Variants in SCN8A observed in about 807,000 individuals in gnomAD.
The protein encoded by SCN8A is sodium voltage-gated channel alpha subunit 8, also known as sodium channel protein type 8 subunit alpha.
SCN8A carries 30 observed loss-of-function variants against 184.1 expected under a neutral mutation model. The ratio of observed to expected loss-of-function variants is 0.16; its 90% CI spans 0.12 to 0.22. SCN8A has a LOEUF of 0.22. Ranked by LOEUF, SCN8A falls within the 10% of genes least tolerant of loss-of-function variation. The pLI, the probability that SCN8A is intolerant of heterozygous loss-of-function variation, is 1.00. For synonymous variants in SCN8A, 852 were observed against 907.0 expected (o/e 0.94, Z 1.09); for missense variants, 1,057 against 2,498.9 (o/e 0.42, Z 12.30).
intron 1 of SCN8A, among the ~76,000 whole-genome samples, chr12:51,658,771 T>A (rs1940871916): frequency 6.6e-6 from 1 of 152,204 alleles, no homozygotes. Context: ...CACCTTAAAG[T>A]GGTTAATTTT....
intron 16 of SCN8A, 58 bp downstream of exon 16, chr12:51,766,085 C>T: frequency 1.4e-6 from 2 of 1,382,308 alleles, no homozygotes; most frequent in African/African-American, 1.4e-5. Flanking sequence ...ACCCCTGGCC[C>T]AGAAGCCCAA....
At chr12:51,778,779 T>G (rs1592157679) in intron 20 of SCN8A, among the ~76,000 whole-genome samples, 1 of 152,020 alleles carries the variant, frequency 6.6e-6, no homozygotes, top group East Asian at 1.9e-4. Flanking sequence ...GATTGTTTCT[T>G]TTTTTTTCCT....
At chr12:51,604,172 A>G (rs896218808) in intron 1 of SCN8A, among the ~76,000 whole-genome samples, 5 of 152,126 alleles carry the variant, frequency 3.3e-5, no homozygotes, top group Non-Finnish European at 7.3e-5. Context: ...TTCTGTTAAA[A>G]ATTTTGTGTA....
intron 9 of SCN8A, among the ~76,000 whole-genome samples, 189 bp from the exon 10 acceptor site, chr12:51,705,228 G>A (rs559307975): frequency 3.3e-4 from 51 of 152,294 alleles, no homozygotes; most frequent in Middle Eastern, 3.4e-3. Flanking sequence ...TTTAATATGA[G>A]TTGAGGATAA....
At chr12:51,647,644 A>T (rs1020450116) in intron 1 of SCN8A, among the ~76,000 whole-genome samples, 9 of 152,268 alleles carry the variant, frequency 5.9e-5, no homozygotes, top group African/African-American at 2.2e-4. Context: ...GTTTAAAATG[A>T]TTAAAACTAA....
intron 1 of SCN8A, among the ~76,000 whole-genome samples, chr12:51,649,960 C>T (rs1425489571): frequency 1.3e-5 from 2 of 152,158 alleles, no homozygotes; most frequent in African/African-American, 4.8e-5. Context: ...AACTGAATGC[C>T]TTTAACAGCA....
At chr12:51,691,574 A>G (rs1187804905) in intron 6 of SCN8A, among the ~76,000 whole-genome samples, 1 of 152,164 alleles carries the variant, frequency 6.6e-6, no homozygotes, top group Non-Finnish European at 1.5e-5. Flanking sequence ...GGTTTGTATC[A>G]AGATTTAGAC....
chr12:51,807,054 G>T lies in SCN8A; in HGVS notation c.5568G>T (p.Leu1856=). 6.2e-7 allele frequency: 1 copy of T among 1,614,016 alleles called. No homozygotes were observed. Among genetic ancestry groups the T allele is most frequent in the Non-Finnish European group, 8.5e-7 (1 of 1,179,892 alleles). The change falls in exon 27 of 27, where the codon CTG becomes CTT. Residue 1856 remains leucine (L), a synonymous_variant. Coordinates refer to ENST00000627620, the MANE Select transcript of SCN8A (RefSeq NM_001330260.2). This position sits in a 1 kb window ranked among gnomAD's most constrained non-coding sequence, Gnocchi z 4.5. ...DILFAFTKRV[L]GDSGELDILR... is the part of the protein sequence containing the mutation. ...TTTTTGCCTTCACCAAGCGGGTCCTGGGAGATAGCGGGGAGTTGGACATCC... is the reference window on the plus strand; with the variant it reads ...TTTTTGCCTTCACCAAGCGGGTCCTTGGAGATAGCGGGGAGTTGGACATCC...
At chr12:51,717,009 C>T (rs1941976647) in intron 11 of SCN8A, among the ~76,000 whole-genome samples, 1 of 152,146 alleles carries the variant, frequency 6.6e-6, no homozygotes, top group Non-Finnish European at 1.5e-5. Flanking sequence ...CAATCCTAAA[C>T]TTGCTCAGAC....
At chr12:51,788,908 T>A (rs1263742835) in intron 23 of SCN8A, among the ~76,000 whole-genome samples, 160 bp downstream of exon 23, 1 of 152,126 alleles carries the variant, frequency 6.6e-6, no homozygotes, top group Non-Finnish European at 1.5e-5. Context: ...TATAGATCAT[T>A]TTCCTCGTCT....
chr12:51,799,341 C>CAG (rs1938493956), intron 26 of SCN8A, among the ~76,000 whole-genome samples: 1 of 152,162 alleles, frequency 6.6e-6, no homozygotes, highest in African/African-American at 2.4e-5. Flanking sequence ...CTAGATGGGT[C>CAG]AGAGAGCACC....
chr12:51,788,287 C>CTT lies in SCN8A; in HGVS notation c.4228-388_4228-387dup, dbSNP rs66672221. ...TTTTCCAACCCCCATCGCTTAACAC[C>CTT]TTTTTTTTTTTTTTTTTTTTTGCTT... On this transcript the variant is annotated intron_variant, in intron 22 of 26. Transcript: ENST00000627620. Among the ~76,000 whole-genome samples the CTT allele has an allele frequency of 1.7e-4, 14 of 84,012 alleles. 1 individual carries two copies. The highest frequency in any genetic ancestry group is 8.3e-4 in the East Asian group (2 of 2,416). 55.1% of individuals were successfully genotyped at this position (84,012 alleles called of 152,430 possible). A position where few individuals can be genotyped will look rare whatever the true frequency, so the allele number is the denominator to read the frequency against.
At chr12:51,691,843 T>G (rs1941514944) in intron 6 of SCN8A, among the ~76,000 whole-genome samples, 2 of 152,218 alleles carry the variant, frequency 1.3e-5, no homozygotes, top group Non-Finnish European at 1.5e-5. Flanking sequence ...ATGGGAAGTT[T>G]TCTCTCATCC....
intron 20 of SCN8A, among the ~76,000 whole-genome samples, chr12:51,774,912 C>T (rs866651942): frequency 1.3e-5 from 2 of 152,174 alleles, no homozygotes; most frequent in African/African-American, 4.8e-5. Flanking sequence ...TCTTCCCACA[C>T]GTTGCCATTC....
Position 51,591,338 on chromosome 12 carries a change from C to G in SCN8A, c.-76C>G, listed in dbSNP as rs1443354214. ...GGCCCCGCGTTAGGGCCGCCGCTGC[C>G]TCCCTCGCCGCCGCCGCTGCCGTAA... On this transcript the variant is annotated 5_prime_UTR_variant, in exon 1 of 27. Coordinates refer to ENST00000627620, the MANE Select transcript of SCN8A (RefSeq NM_001330260.2). The G allele has an allele frequency of 1.3e-5, 2 of 155,652 alleles. No homozygotes were observed. The highest frequency in any genetic ancestry group is 2.8e-5 in the Non-Finnish European group (2 of 70,324). 9.6% of individuals were successfully genotyped at this position (155,652 alleles called of 1,614,324 possible).
intron 1 of SCN8A, among the ~76,000 whole-genome samples, chr12:51,619,741 A>G (rs1158984609): frequency 6.6e-6 from 1 of 152,242 alleles, no homozygotes; most frequent in African/African-American, 2.4e-5. Flanking sequence ...AGCTGTGAAA[A>G]GAATATCATA....
intron 20 of SCN8A, chr12:51,780,163 G>A (rs1439896251): frequency 2.2e-6 from 1 of 452,458 alleles, no homozygotes; most frequent in Non-Finnish European, 4.4e-6. Context: ...GGGGCAGCTT[G>A]TGTGGAGTAT....
chr12:51,752,932 T>A (rs575697020), intron 14 of SCN8A, among the ~76,000 whole-genome samples: 42 of 152,366 alleles, frequency 2.8e-4, no homozygotes, highest in African/African-American at 9.9e-4. Context: ...GTTTTGTTTT[T>A]CTCAAAATCT....
intron 1 of SCN8A, among the ~76,000 whole-genome samples, chr12:51,619,449 T>A (rs945185084): frequency 2.0e-4 from 31 of 152,234 alleles, no homozygotes; most frequent in African/African-American, 7.5e-4. Flanking sequence ...ATTGCTGGGC[T>A]AATGATGTGT....
Sources: gnomAD v4.1 joint callset for allele counts (sites outside exome capture counted in the v4.1 genomes callset) on GRCh38, gnomAD v4.1.1 for gene constraint, Gnocchi (gnomAD v3.1) non-coding constraint, MANE v1.5 for transcripts, NCBI Gene and HGNC (gene_info 2026-07-23, HGNC 2026-07-21) for gene names.